The following LHFPL3 variants were observed in gnomAD, a reference collection of about 807,000 sequenced individuals.
LHFPL3 encodes LHFPL tetraspan subfamily member 3.
In LHFPL3, 5 loss-of-function variants were observed where a neutral mutation model predicts 19.3. The observed-to-expected ratio is 0.26, with a 90% confidence interval of 0.14 to 0.54. LHFPL3 has a LOEUF of 0.54. LHFPL3 is among the 20% of genes least tolerant of loss of function. LHFPL3 has a pLI of 0.94. For synonymous variants in LHFPL3, 133 were observed against 126.2 expected, an observed-to-expected ratio of 1.05 and a Z score of -0.36; for missense variants, 249 against 307.4, an observed-to-expected ratio of 0.81 and a Z score of 1.42.
At chr7:104,599,456 G>A (rs902799852) in intron 1 of LHFPL3, among the ~76,000 whole-genome samples, 2 of 152,174 alleles carry the variant, frequency 1.3e-5, no homozygotes, top group South Asian at 4.1e-4. Flanking sequence ...AATGGTCCTC[G>A]ATTGGTCAAC....
chr7:104,439,511 G>A (rs1374059277), intron 1 of LHFPL3, among the ~76,000 whole-genome samples: 2 of 151,950 alleles, frequency 1.3e-5, no homozygotes, highest in Non-Finnish European at 2.9e-5. Context: ...ATCATACAAT[G>A]TAACTTATTA....
intron 1 of LHFPL3, among the ~76,000 whole-genome samples, chr7:104,370,437 C>A (rs886584277): frequency 2.0e-5 from 3 of 152,052 alleles, no homozygotes; most frequent in Non-Finnish European, 4.4e-5. Context: ...CTGGCAGAAC[C>A]AAAAAGAGAG....
At chr7:104,660,248 G>A (rs375469836) in intron 1 of LHFPL3, among the ~76,000 whole-genome samples, 9 of 152,148 alleles carry the variant, frequency 5.9e-5, no homozygotes, top group Admixed American at 2.6e-4. Context: ...TGGTCCACCC[G>A]CCTTTGCCTC....
intron 2 of LHFPL3, among the ~76,000 whole-genome samples, chr7:104,790,103 A>C (rs896247864): frequency 3.9e-5 from 6 of 152,222 alleles, no homozygotes; most frequent in African/African-American, 1.4e-4. Context: ...AGTGTAAACC[A>C]GATGGACTGT....
At chr7:104,758,605 T>TATAA (rs1050280928) in intron 2 of LHFPL3, among the ~76,000 whole-genome samples, 3 of 152,136 alleles carry the variant, frequency 2.0e-5, no homozygotes, top group African/African-American at 7.2e-5. Context: ...ACCAAAAATA[T>TATAA]ATAAATAAAT....
chr7:104,557,244 T>A (rs1441193437), intron 1 of LHFPL3, among the ~76,000 whole-genome samples: 1 of 152,206 alleles, frequency 6.6e-6, no homozygotes, highest in East Asian at 1.9e-4. Context: ...TTAGTCATTT[T>A]TCACACTGTT....
chr7:104,337,543 T>C (rs1584595783), intron 1 of LHFPL3, among the ~76,000 whole-genome samples: 1 of 151,036 alleles, frequency 6.6e-6, no homozygotes. Flanking sequence ...GTATGGCAGG[T>C]GGAAATAAGT....
At chr7:104,412,189 T>C (rs978712492) in intron 1 of LHFPL3, among the ~76,000 whole-genome samples, 4 of 148,616 alleles carry the variant, frequency 2.7e-5, no homozygotes, top group African/African-American at 5.2e-5. Context: ...ATTATGTCCT[T>C]TAAGTATACC....
At chr7:104,358,668 C>G (rs940148678) in intron 1 of LHFPL3, among the ~76,000 whole-genome samples, 1 of 152,200 alleles carries the variant, frequency 6.6e-6, no homozygotes, top group Non-Finnish European at 1.5e-5. Flanking sequence ...TCTTCAGATA[C>G]AAGAAGCTTT....
At chr7:104,741,700 T>C (rs553989545) in intron 2 of LHFPL3, among the ~76,000 whole-genome samples, 1 of 152,176 alleles carries the variant, frequency 6.6e-6, no homozygotes, top group Admixed American at 6.5e-5. Flanking sequence ...CACATCCTGC[T>C]ACATTTTTGT....
intron 2 of LHFPL3, among the ~76,000 whole-genome samples, chr7:104,784,523 G>C (rs1027113603): frequency 1.3e-5 from 2 of 152,116 alleles, no homozygotes; most frequent in Non-Finnish European, 2.9e-5. Flanking sequence ...AAACCAAGTA[G>C]ACTATGAAAA....
At chr7:104,648,155 C>T (rs1026058712) in intron 1 of LHFPL3, among the ~76,000 whole-genome samples, 1 of 152,124 alleles carries the variant, frequency 6.6e-6, no homozygotes, top group Non-Finnish European at 1.5e-5. Flanking sequence ...GATATTTACT[C>T]CTGAAGGACC....
chr7:104,685,741 T>C (rs1223808207), intron 1 of LHFPL3, among the ~76,000 whole-genome samples: 2 of 152,240 alleles, frequency 1.3e-5, no homozygotes, highest in Admixed American at 6.5e-5. Flanking sequence ...GATGTTTACC[T>C]TGTGTTGAGA....
intron 1 of LHFPL3, among the ~76,000 whole-genome samples, chr7:104,496,749 T>C (rs1793490889): frequency 6.6e-6 from 1 of 152,212 alleles, no homozygotes; most frequent in Non-Finnish European, 1.5e-5. Flanking sequence ...TTAGCTTAAA[T>C]ATAATGAAAT....
chr7:104,594,401 G>T (rs777320450), intron 1 of LHFPL3, among the ~76,000 whole-genome samples: 13 of 152,202 alleles, frequency 8.5e-5, no homozygotes, highest in Non-Finnish European at 1.9e-4. Flanking sequence ...TCTGCTGAGA[G>T]ATCCGCTGTT....
intron 1 of LHFPL3, among the ~76,000 whole-genome samples, chr7:104,718,188 G>A (rs541188135): frequency 6.6e-6 from 1 of 152,240 alleles, no homozygotes; most frequent in East Asian, 1.9e-4. Flanking sequence ...TAAAGTTTGG[G>A]TTATGCAAGA....
intron 1 of LHFPL3, among the ~76,000 whole-genome samples, chr7:104,352,850 T>C (rs1157477737): frequency 6.6e-6 from 1 of 152,206 alleles, no homozygotes; most frequent in Non-Finnish European, 1.5e-5. Flanking sequence ...GGTATAACCA[T>C]GAGTTCCTGG....
intron 1 of LHFPL3, among the ~76,000 whole-genome samples, chr7:104,468,895 A>G (rs1427650858): frequency 6.6e-6 from 1 of 152,018 alleles, no homozygotes; most frequent in African/African-American, 2.4e-5. Flanking sequence ...TCCTGACCTC[A>G]TGATCCGCCT....
chr7:104,411,639 T>C (rs1791537073), intron 1 of LHFPL3, among the ~76,000 whole-genome samples: 1 of 152,176 alleles, frequency 6.6e-6, no homozygotes, highest in Non-Finnish European at 1.5e-5. Context: ...ATTTGCTCTT[T>C]TCAACCTCGT....
Sources: gnomAD v4.1 joint callset for allele counts (sites outside exome capture counted in the v4.1 genomes callset) on GRCh38, gnomAD v4.1.1 for gene constraint, MANE v1.5 for transcripts, NCBI Gene and HGNC (gene_info 2026-07-23, HGNC 2026-07-21) for gene names.